The following CCDC86 variants were observed in gnomAD, a reference collection of about 807,000 sequenced individuals.
CCDC86 encodes the protein coiled-coil domain-containing protein 86.
Under a neutral mutation model 36.7 loss-of-function variants are expected in CCDC86, and 28 were observed. The observed-to-expected ratio is 0.76, with a 90% CI of 0.57 to 1.05. The LOEUF (loss-of-function observed/expected upper bound fraction) is 1.05. CCDC86 is among the 50% of genes least tolerant of loss of function. The pLI, the probability that CCDC86 is intolerant of heterozygous loss-of-function variation, is 0.00. For missense variants in CCDC86, 453 were observed against 470.2 expected (o/e 0.96, Z 0.34); for synonymous variants, 199 against 203.4 (o/e 0.98, Z 0.18).
chr11:60,843,988 G>C (rs185704227), intron 1 of CCDC86, among the ~76,000 whole-genome samples: 117 of 152,362 alleles, frequency 7.7e-4, no homozygotes, highest in Non-Finnish European at 1.2e-3. Context: ...GTAACTGTTG[G>C]AGAAGTGGAT....
intron 2 of CCDC86, among the ~76,000 whole-genome samples, chr11:60,849,121 C>T (rs772649437): frequency 6.6e-6 from 1 of 152,194 alleles, no homozygotes; most frequent in South Asian, 2.1e-4. Context: ...AGCAGAGACT[C>T]CTAACCATGC....
Position 60,850,032 on chromosome 11 carries a change from C to G in CCDC86, c.963+18C>G. On this transcript the variant is annotated intron_variant, in intron 3 of 3. Transcript: ENST00000227520. The stretch of plus-strand genomic sequence containing the variant: ...TCCAAGTGGTGAGTGTCTCGTTTTC[C>G]CCCTCTGCCCTTCTGCCCCACTTGG... 4 of 1,613,502 alleles carry G rather than the reference C, an allele frequency of 2.5e-6. No homozygotes were observed. Among genetic ancestry groups the G allele is most frequent in the Non-Finnish European group, 3.4e-6 (4 of 1,179,630 alleles).
intron 2 of CCDC86, among the ~76,000 whole-genome samples, chr11:60,849,579 G>A (rs967509530): frequency 6.6e-6 from 1 of 152,192 alleles, no homozygotes; most frequent in African/African-American, 2.4e-5. Flanking sequence ...GTGGGAATGG[G>A]GGAAGGGCCA....
At position 60,842,536 on chromosome 11, in the gene CCDC86, T is replaced by C. The variant is rs200224926; in HGVS notation, c.412T>C (p.Leu138=). 2 of 1,613,014 alleles carry C rather than the reference T, an allele frequency of 1.2e-6. No individual in the cohort carries two copies. The highest frequency in any genetic ancestry group is 1.7e-6 in the Non-Finnish European group (2 of 1,179,772). Residue 138 remains leucine (L), a synonymous_variant, in exon 1 of 4, where the codon TTG becomes CTG. Transcript: ENST00000227520. ...SQDQGVLASE[L]AQNKEELTPG... ...GGACCAGGGAGTACTGGCCTCGGAG[T>C]TGGCCCAGAATAAGGAGGAGCTGAC...
intron 2 of CCDC86, among the ~76,000 whole-genome samples, chr11:60,848,453 G>A (rs552772182): frequency 6.6e-5 from 10 of 152,116 alleles, no homozygotes; most frequent in South Asian, 6.2e-4. Context: ...CCATGTCCCC[G>A]GTATGGCTGC....
chr11:60,844,904 GTC>G (rs1222459435), intron 1 of CCDC86, among the ~76,000 whole-genome samples: 1 of 152,236 alleles, frequency 6.6e-6, no homozygotes, highest in African/African-American at 2.4e-5. Context: ...TGAACAAAAA[GTC>G]TCTGCTCTCC....
At chr11:60,849,071 G>T (rs988651377) in intron 2 of CCDC86, among the ~76,000 whole-genome samples, 1 of 151,964 alleles carries the variant, frequency 6.6e-6, no homozygotes, top group Admixed American at 6.6e-5. Flanking sequence ...TTCCTCCCCA[G>T]GGGCCTGGGC....
rs1391824931 is a variant in CCDC86 at position 60,850,094 on chromosome 11, C to T, written c.963+80C>T. On this transcript the variant is annotated intron_variant, in intron 3 of 3. Transcript: ENST00000227520. ...AGGGCCTCGACCCCTGCCTCATGTA[C>T]CCCCACTCTCATGCTACGATCTCAG... 3 of 1,602,446 alleles carry T rather than the reference C, an allele frequency of 1.9e-6. No individual in the cohort carries two copies. In the African/African-American group the frequency reaches 4.0e-5, roughly 21 times the overall value.
chr11:60,842,793 G>C lies in CCDC86; in HGVS notation c.669G>C (p.Ala223=), dbSNP rs762015618. ...KRKGSSSQAP[A]SKKLNKEELP... ...AAGGTTCTTCATCCCAGGCCCCAGC[G>C]TCCAAGAAGTTGAATAAAGAGGAGC... The change falls in exon 1 of 4, where the codon GCG becomes GCC. Residue 223 remains alanine (A), a synonymous_variant. Coordinates refer to ENST00000227520, the MANE Select transcript of CCDC86 (RefSeq NM_024098.4). The C allele has an allele frequency of 6.2e-6, 10 of 1,611,688 alleles. No homozygotes were observed. Among genetic ancestry groups the C allele is most frequent in the Non-Finnish European group, 8.5e-6 (10 of 1,178,282 alleles).
intron 1 of CCDC86, among the ~76,000 whole-genome samples, chr11:60,844,161 G>A (rs559909989): frequency 6.6e-6 from 1 of 152,300 alleles, no homozygotes; most frequent in East Asian, 1.9e-4. Flanking sequence ...CAGGTGGGGA[G>A]ATGGGCTTGC....
chr11:60,850,313 A>G lies in CCDC86; in HGVS notation c.1071A>G (p.Ala357=), dbSNP rs750127613. 8.7e-6 allele frequency: 14 copies of G among 1,614,044 alleles called. No homozygotes were observed. The highest frequency in any genetic ancestry group is 1.0e-5 in the Non-Finnish European group (12 of 1,180,002). The change falls in exon 4 of 4, where the codon GCA becomes GCG. Residue 357 remains alanine (A), a synonymous_variant. Coordinates refer to ENST00000227520, the MANE Select transcript of CCDC86 (RefSeq NM_024098.4). ...AGAAGCAGCCGCCCCAGCAGCCGGC[A>G]GCCAAGATCTGAGCTCAGGACGGCC... ...LLQKQPPQQP[A]AKI
At chr11:60,843,084 C>A in intron 1 of CCDC86, 1 of 658,680 alleles carries the variant, frequency 1.5e-6, no homozygotes, top group Non-Finnish European at 2.3e-6. Flanking sequence ...CCTCAAAGAT[C>A]AATTTCTCTG....
chr11:60,849,975 C>A lies in CCDC86; in HGVS notation c.924C>A (p.Arg308=). Residue 308 remains arginine (R), a synonymous_variant, in exon 3 of 4, where the codon CGC becomes CGA. Coordinates refer to ENST00000227520, the MANE Select transcript of CCDC86 (RefSeq NM_024098.4). ...KKQRRAENLK[R]RLENERKAEV... is the part of the protein sequence containing the mutation. Reference sequence around the variant, plus strand: ...AGCGCCGGGCTGAGAACCTGAAACGCCGCCTGGAGAATGAGCGGAAGGCAG... The same window carrying A: ...AGCGCCGGGCTGAGAACCTGAAACGACGCCTGGAGAATGAGCGGAAGGCAG... 6.2e-7 allele frequency: 1 copy of A among 1,614,182 alleles called. No individual in the cohort carries two copies. The highest frequency in any genetic ancestry group is 8.5e-7 in the Non-Finnish European group (1 of 1,180,028).
chr11:60,847,879 C>T (rs753223134), intron 1 of CCDC86, 45 bp from the exon 2 acceptor site: 26 of 1,563,564 alleles, frequency 1.7e-5, no homozygotes, highest in Non-Finnish European at 2.3e-5. Context: ...GCATGGGTGG[C>T]GCTTGCCCCA....
At chr11:60,845,353 T>C (rs758948273) in intron 1 of CCDC86, among the ~76,000 whole-genome samples, 1 of 152,020 alleles carries the variant, frequency 6.6e-6, no homozygotes, top group Non-Finnish European at 1.5e-5. Context: ...ACCTGACTTG[T>C]GAGATCAGCC....
intron 1 of CCDC86, among the ~76,000 whole-genome samples, chr11:60,847,107 A>G (rs1319456468): frequency 6.7e-6 from 1 of 148,554 alleles, no homozygotes; most frequent in Non-Finnish European, 1.5e-5. Flanking sequence ...TTTTTGAGAC[A>G]GAGTCTTGCT....
At position 60,842,787 on chromosome 11, in the gene CCDC86, C is replaced by G. The variant is rs772395719; in HGVS notation, c.663C>G (p.Ala221=). The change falls in exon 1 of 4, where the codon GCC becomes GCG. Residue 221 remains alanine, a synonymous_variant. Transcript: ENST00000227520. ...AKKRKGSSSQ[A]PASKKLNKEE... ...AGCGAAAAGGTTCTTCATCCCAGGC[C>G]CCAGCGTCCAAGAAGTTGAATAAAG... 1.2e-6 allele frequency: 2 copies of G among 1,612,440 alleles called. No individual in the cohort carries two copies. Among genetic ancestry groups the G allele is most frequent in the Non-Finnish European group, 1.7e-6 (2 of 1,178,774 alleles).
chr11:60,843,020 T>C, intron 1 of CCDC86, 138 bp downstream of exon 1: 1 of 1,187,312 alleles, frequency 8.4e-7, no homozygotes, highest in South Asian at 1.8e-5. Flanking sequence ...AACAGGTAAT[T>C]ACAATCAGAA....
intron 1 of CCDC86, among the ~76,000 whole-genome samples, chr11:60,845,009 A>G (rs913446566): frequency 6.6e-6 from 1 of 152,240 alleles, no homozygotes; most frequent in Admixed American, 6.5e-5. Flanking sequence ...ATAAACCAGG[A>G]TGGGGACCAG....
Sources: allele counts gnomAD v4.1 joint callset (sites outside exome capture counted in the v4.1 genomes callset), GRCh38; gene constraint gnomAD v4.1.1; transcripts MANE v1.5; gene names NCBI Gene and HGNC (gene_info 2026-07-23, HGNC 2026-07-21).